The following C1QTNF2 variants were observed in gnomAD, a reference collection of about 807,000 sequenced individuals.
C1QTNF2 encodes the protein C1q and TNF related 2, also known as complement C1q tumor necrosis factor-related protein 2.
In C1QTNF2, 15 loss-of-function variants were observed where a neutral mutation model predicts 17.4. The observed-to-expected ratio is 0.86, with a 90% CI of 0.58 to 1.33. The LOEUF is 1.33. Ranked by LOEUF, C1QTNF2 falls within the 40% of genes most tolerant of loss-of-function variation. C1QTNF2 has a pLI of 0.00. For synonymous variants in C1QTNF2, 154 were observed against 163.3 expected (o/e 0.94, Z 0.44); for missense variants, 381 against 392.3 (o/e 0.97, Z 0.24).
chr5:160,365,592 G>C (rs73819860), intron 1 of C1QTNF2, among the ~76,000 whole-genome samples: 10,835 of 151,156 alleles, frequency 0.072, 901 homozygotes, highest in African/African-American at 0.2. Context: ...TCTCTACAAA[G>C]AAAAAAAAAT....
chr5:160,361,606 C>T (rs779563687), intron 1 of C1QTNF2, among the ~76,000 whole-genome samples: 12 of 152,064 alleles, frequency 7.9e-5, no homozygotes, highest in Admixed American at 2.0e-4. Context: ...GTATACCTAC[C>T]TCAGGGAGTT....
chr5:160,357,967 A>C (rs1175876980), intron 1 of C1QTNF2, among the ~76,000 whole-genome samples: 3 of 152,252 alleles, frequency 2.0e-5, no homozygotes. Flanking sequence ...TCTGACCTCC[A>C]TGCCCAGCCA....
chr5:160,356,293 C>T (rs1764049337), intron 1 of C1QTNF2, among the ~76,000 whole-genome samples: 2 of 152,326 alleles, frequency 1.3e-5, no homozygotes, highest in South Asian at 2.1e-4. Context: ...TAGGCAAACC[C>T]TTTTCCCTCT....
At chr5:160,362,971 G>A (rs916343922) in intron 1 of C1QTNF2, among the ~76,000 whole-genome samples, 7 of 152,182 alleles carry the variant, frequency 4.6e-5, no homozygotes, top group Non-Finnish European at 1.0e-4. Context: ...AATTGTAATT[G>A]TTACTAGTTG....
intron 1 of C1QTNF2, among the ~76,000 whole-genome samples, chr5:160,367,490 C>A (rs140952389): frequency 2.0e-5 from 3 of 152,272 alleles, no homozygotes; most frequent in Non-Finnish European, 2.9e-5. Context: ...AGGCCCTAAT[C>A]CAGTATGAGT....
intron 1 of C1QTNF2, among the ~76,000 whole-genome samples, chr5:160,364,199 A>G (rs1105788): frequency 0.55 from 84,334 of 152,070 alleles, 23,681 homozygotes; most frequent in Middle Eastern, 0.65. Flanking sequence ...TCACACTTGC[A>G]GCGGATCTCA....
At chr5:160,362,154 C>A (rs138694110) in intron 1 of C1QTNF2, among the ~76,000 whole-genome samples, 306 of 152,256 alleles carry the variant, frequency 2.0e-3, no homozygotes, top group African/African-American at 6.2e-3. Context: ...TGATTAGAGG[C>A]TATATAGACC....
At chr5:160,366,272 A>G (rs958677304) in intron 1 of C1QTNF2, among the ~76,000 whole-genome samples, 2 of 152,206 alleles carry the variant, frequency 1.3e-5, no homozygotes, top group Non-Finnish European at 2.9e-5. Flanking sequence ...GTCTTTAGGA[A>G]TGCCTCCCTT....
rs1360616066 is a variant in C1QTNF2 at position 160,355,025 on chromosome 5, G to A, written c.-9-5C>T. 3 of 1,540,162 alleles carry A rather than the reference G, an allele frequency of 1.9e-6. No homozygotes were observed. The highest frequency in any genetic ancestry group is 2.7e-5 in the African/African-American group (2 of 73,612). On this transcript the variant is annotated splice_polypyrimidine_tract_variant and splice_region_variant and intron_variant, in intron 1 of 2. Transcript: ENST00000652664. ...CCAGGGGATCATGGTGGTTACCTGT[G>A]GGAGGCAAGAGAGCTGTGACAGGTG...
chr5:160,348,958 T>C lies in C1QTNF2; in HGVS notation c.*210A>G, dbSNP rs1763852446. The C allele has an allele frequency of 5.1e-6, 3 of 591,816 alleles. No individual in the cohort carries two copies. The highest frequency in any genetic ancestry group is 3.7e-5 in the African/African-American group (2 of 54,006). 36.7% of individuals were successfully genotyped at this position (591,816 alleles called of 1,614,324 possible). A position where few individuals can be genotyped will look rare whatever the true frequency, so the allele number is the denominator to read the frequency against. On this transcript the variant is annotated 3_prime_UTR_variant, in exon 3 of 3. Coordinates refer to ENST00000652664, the MANE Select transcript of C1QTNF2 (RefSeq NM_031908.6). ...GAATAGCATAGTGCCTGTTACACAGTAGATACTTTAAAAAGAAGTGAATAA... is the reference window on the plus strand; with the variant it reads ...GAATAGCATAGTGCCTGTTACACAGCAGATACTTTAAAAAGAAGTGAATAA...
intron 1 of C1QTNF2, among the ~76,000 whole-genome samples, chr5:160,369,083 A>T (rs1375262962): frequency 6.6e-6 from 1 of 151,426 alleles, no homozygotes; most frequent in East Asian, 1.9e-4. Context: ...AACAGCACAA[A>T]TACAGAGTAT....
In C1QTNF2 at chr5:160,347,760, T is replaced by G. The variant is rs1374216132; in HGVS notation, c.*1408A>C. 25 of 151,084 alleles carry G rather than the reference T, an allele frequency of 1.7e-4. No homozygotes were observed. The highest frequency in any genetic ancestry group is 6.3e-4 in the South Asian group (3 of 4,778). 9.4% of individuals were successfully genotyped at this position (151,084 alleles called of 1,614,324 possible). ...ACCTGCGTTTTTGTTTTTGTTTTTT[T>G]TTTTTTTTTGTTTTTTTTTGAGATA... On this transcript the variant is annotated 3_prime_UTR_variant, in exon 3 of 3. Coordinates refer to ENST00000652664, the MANE Select transcript of C1QTNF2 (RefSeq NM_031908.6).
At chr5:160,369,865 T>C (rs1171947912) in intron 1 of C1QTNF2, among the ~76,000 whole-genome samples, 2 of 152,114 alleles carry the variant, frequency 1.3e-5, no homozygotes, top group Non-Finnish European at 2.9e-5. Flanking sequence ...CAAAGCATAT[T>C]AAGACAAGTA....
chr5:160,368,070 T>C (rs1764277413), intron 1 of C1QTNF2, among the ~76,000 whole-genome samples: 1 of 152,344 alleles, frequency 6.6e-6, no homozygotes, highest in East Asian at 1.9e-4. Context: ...CCAGAGCTCA[T>C]GTTCCTCCAC....
chr5:160,367,034 A>AAG (rs1554127998), intron 1 of C1QTNF2, among the ~76,000 whole-genome samples: 2 of 151,798 alleles, frequency 1.3e-5, no homozygotes, highest in African/African-American at 4.8e-5. Flanking sequence ...AAAAAAAAAA[A>AAG]AAAAAGAAAA....
chr5:160,358,040 C>A (rs1274175144), intron 1 of C1QTNF2, among the ~76,000 whole-genome samples: 1 of 152,270 alleles, frequency 6.6e-6, no homozygotes, highest in Non-Finnish European at 1.5e-5. Flanking sequence ...GCACCAGCTT[C>A]TCTGGACAAA....
chr5:160,351,812 AAAT>A lies in C1QTNF2; in HGVS notation c.245-2034_245-2032del, dbSNP rs576100350. On this transcript the variant is annotated intron_variant, in intron 2 of 2. Transcript: ENST00000652664. Reference sequence around the variant, plus strand: ...AAAAATAAACAAAAAGAATGGGAAAAAATAAAACTCAGAAAAGTCACAAAGCTA... The same window carrying A: ...AAAAATAAACAAAAAGAATGGGAAAAAAAACTCAGAAAAGTCACAAAGCTA... 2.5e-4 allele frequency among the ~76,000 whole-genome samples: 38 copies of A among 152,260 alleles called. 1 individual carries two copies. The South Asian group carries it at 7.5e-3, about 30-fold the overall frequency.
In C1QTNF2 at chr5:160,355,001, C is replaced by G; in HGVS notation, c.11G>C (p.Trp4Ser). ...GGGGAGGGCACAGGCCAGGAGCACC[C>G]AGGGGATCATGGTGGTTACCTGTGG... MIP[W>S]VLLACALPCA... The change falls in exon 2 of 3, where the codon TGG becomes TCG. Residue 4 changes from tryptophan to serine, a missense_variant. Coordinates refer to ENST00000652664, the MANE Select transcript of C1QTNF2 (RefSeq NM_031908.6). 1 of 1,573,664 alleles carries G rather than the reference C, an allele frequency of 6.4e-7. No individual in the cohort carries two copies. The highest frequency in any genetic ancestry group is 8.6e-7 in the Non-Finnish European group (1 of 1,161,284).
chr5:160,363,803 T>C (rs1038081241), intron 1 of C1QTNF2, among the ~76,000 whole-genome samples: 5 of 152,176 alleles, frequency 3.3e-5, no homozygotes, highest in Non-Finnish European at 7.3e-5. Context: ...CTGCAGCTGT[T>C]TTCTGCCACG....
Sources: gnomAD v4.1 joint callset for allele counts (sites outside exome capture counted in the v4.1 genomes callset) on GRCh38, gnomAD v4.1.1 for gene constraint, MANE v1.5 for transcripts, NCBI Gene and HGNC (gene_info 2026-07-23, HGNC 2026-07-21) for gene names.